Variants in ABLIM1 observed in about 807,000 individuals in gnomAD.
ABLIM1 encodes actin-binding LIM protein 1.
Under a neutral mutation model 107.0 loss-of-function variants are expected in ABLIM1, and 40 were observed. The observed-to-expected ratio is 0.37, with a 90% CI of 0.29 to 0.49. ABLIM1 has a LOEUF of 0.49. Ranked by LOEUF, ABLIM1 falls within the 20% of genes least tolerant of loss-of-function variation. The pLI is 0.97. For missense variants in ABLIM1, 857 were observed against 1,008.5 expected, an observed-to-expected ratio of 0.85 and a Z score of 2.04; for synonymous variants, 357 against 357.3, an observed-to-expected ratio of 1.00 and a Z score of 0.01.
At chr10:114,648,963 A>G (rs1404939343) in intron 1 of ABLIM1, among the ~76,000 whole-genome samples, 1 of 152,114 alleles carries the variant, frequency 6.6e-6, no homozygotes, top group African/African-American at 2.4e-5. Flanking sequence ...AAAAAAATTA[A>G]TAATCCTTTG....
At chr10:114,774,980 C>T in the ABLIM1 span, among the ~76,000 whole-genome samples, 3 of 152,092 alleles carry the variant, frequency 2.0e-5, no homozygotes, top group Non-Finnish European at 4.4e-5. Context: ...ACGATACTAC[C>T]TGAGTCTGGG....
At chr10:114,609,365 C>G (rs1392997727) in intron 1 of ABLIM1, among the ~76,000 whole-genome samples, 2 of 152,234 alleles carry the variant, frequency 1.3e-5, no homozygotes, top group African/African-American at 4.8e-5. Context: ...CTAAATCAAA[C>G]TTGACCCATA....
At chr10:114,779,066 T>TA in the ABLIM1 span, 3 of 152,150 alleles carry the variant, frequency 2.0e-5, no homozygotes, top group African/African-American at 7.2e-5. Context: ...ATTGATTTTT[T>TA]AAAAAATACA....
intron 19 of ABLIM1, 63 bp from the exon 20 acceptor site, chr10:114,440,152 C>T: frequency 6.8e-7 from 1 of 1,473,002 alleles, no homozygotes; most frequent in Non-Finnish European, 9.5e-7. Context: ...AGGAACCATT[C>T]ACAGACTATA....
chr10:114,787,704 G>T, the ABLIM1 span, among the ~76,000 whole-genome samples: 1 of 116,214 alleles, frequency 8.6e-6, no homozygotes, highest in Admixed American at 8.3e-5. Context: ...CGGGAGGGAG[G>T]TGGGGGGGTC....
At chr10:114,786,908 G>A in the ABLIM1 span, among the ~76,000 whole-genome samples, 61 of 151,898 alleles carry the variant, frequency 4.0e-4, no homozygotes, top group Non-Finnish European at 6.6e-4. Context: ...GCCTCTGCCC[G>A]GCGGCCACCC....
At chr10:114,746,589 T>A (rs533781487) in intron 1 of ABLIM1, among the ~76,000 whole-genome samples, 1 of 152,322 alleles carries the variant, frequency 6.6e-6, no homozygotes, top group African/African-American at 2.4e-5. Context: ...TCAAATCTTT[T>A]TGGTTCATAT....
intron 1 of ABLIM1, among the ~76,000 whole-genome samples, chr10:114,618,456 T>C (rs931516815): frequency 6.6e-6 from 1 of 152,170 alleles, no homozygotes; most frequent in Non-Finnish European, 1.5e-5. Flanking sequence ...CTCAGTATTG[T>C]TTTAACTGAA....
intron 6 of ABLIM1, among the ~76,000 whole-genome samples, chr10:114,531,580 C>T (rs946390936): frequency 2.0e-5 from 3 of 152,168 alleles, no homozygotes; most frequent in Non-Finnish European, 2.9e-5. Context: ...TGCAGTGATG[C>T]GATCTCAGCT....
intron 12 of ABLIM1, among the ~76,000 whole-genome samples, chr10:114,464,813 C>T (rs2064794324): frequency 6.6e-6 from 1 of 152,196 alleles, no homozygotes; most frequent in Non-Finnish European, 1.5e-5. Context: ...GGTTTGCTCT[C>T]ATCTATGCGT....
At chr10:114,663,186 C>T (rs1285731792), upstream of ABLIM1, among the ~76,000 whole-genome samples, 1 of 152,184 alleles carries the variant, frequency 6.6e-6, no homozygotes, top group Middle Eastern at 3.2e-3. Context: ...GAAAATCCAC[C>T]TGTGCTTAAA....
rs112229931 is a variant in ABLIM1, at chr10:114,657,935, C to G, written c.244+22G>C. 1.4e-3 allele frequency: 2,160 copies of G among 1,586,780 alleles called. 24 individuals carry two copies. The African/African-American group carries it at 0.025, about 18-fold the overall frequency. Reference sequence around the variant, plus strand: ...CAATCACAAAACACAAAACCATGTCCAGAGAGGGTTATTTTACTTACCAAA... The same window carrying G: ...CAATCACAAAACACAAAACCATGTCGAGAGAGGGTTATTTTACTTACCAAA... On this transcript the variant is annotated intron_variant, in intron 1 of 22. Coordinates refer to ENST00000533213, the MANE Select transcript of ABLIM1 (RefSeq NM_002313.7).
chr10:114,798,564 C>CCCCG, the ABLIM1 span, among the ~76,000 whole-genome samples: 3 of 149,072 alleles, frequency 2.0e-5, no homozygotes, highest in South Asian at 2.2e-4. Context: ...AGACCCCCCC[C>CCCCG]CCATGTCTAC....
intron 1 of ABLIM1, among the ~76,000 whole-genome samples, chr10:114,664,715 T>G (rs926315491): frequency 6.6e-6 from 1 of 151,420 alleles, no homozygotes; most frequent in Non-Finnish European, 1.5e-5. Context: ...GGCTAATTTT[T>G]GTATTTTTAG....
intron 1 of ABLIM1, among the ~76,000 whole-genome samples, chr10:114,711,788 C>T (rs1255014076): frequency 2.6e-5 from 4 of 152,048 alleles, no homozygotes; most frequent in Non-Finnish European, 4.4e-5. Context: ...GACAGACAAC[C>T]AACAGTGACC....
intron 6 of ABLIM1, among the ~76,000 whole-genome samples, chr10:114,527,350 G>A (rs1430848827): frequency 2.0e-5 from 3 of 152,202 alleles, no homozygotes; most frequent in Non-Finnish European, 2.9e-5. Context: ...AGACAAATAT[G>A]ATTGGAAAAC....
intron 4 of ABLIM1, among the ~76,000 whole-genome samples, chr10:114,570,283 T>C (rs570962434): frequency 1.3e-5 from 2 of 152,308 alleles, no homozygotes; most frequent in East Asian, 3.9e-4. Flanking sequence ...CTACTCGATG[T>C]TATTTTCCAG....
upstream of ABLIM1, among the ~76,000 whole-genome samples, chr10:114,687,473 T>C (rs1268696371): frequency 1.3e-5 from 2 of 152,238 alleles, no homozygotes; most frequent in Non-Finnish European, 2.9e-5. Flanking sequence ...ACATTTTGAA[T>C]GGCTACAATA....
At chr10:114,557,929 C>G (rs2069010300) in intron 4 of ABLIM1, among the ~76,000 whole-genome samples, 1 of 151,254 alleles carries the variant, frequency 6.6e-6, no homozygotes, top group African/African-American at 2.4e-5. Context: ...ATGATTGCTT[C>G]CTTACCCCCT....
Sources: gnomAD v4.1 joint callset for allele counts (sites outside exome capture counted in the v4.1 genomes callset) on GRCh38, gnomAD v4.1.1 for gene constraint, MANE v1.5 for transcripts, NCBI Gene and HGNC (gene_info 2026-07-23, HGNC 2026-07-21) for gene names.